SYTL5: variants seen among roughly 807,000 people sequenced by gnomAD.
SYTL5 encodes synaptotagmin-like protein 5.
Under a neutral mutation model 55.9 loss-of-function variants are expected in SYTL5, and 34 were observed. The ratio of observed to expected loss-of-function variants is 0.61; its 90% CI spans 0.46 to 0.81. SYTL5 has a LOEUF of 0.81. Among genes scored for constraint, SYTL5 ranks in the 30% least tolerant of loss-of-function variants. The pLI, the probability that SYTL5 is intolerant of heterozygous loss-of-function variation, is 0.00. For synonymous variants in SYTL5, 221 were observed against 188.7 expected (o/e 1.17, Z -1.40); for missense variants, 637 against 546.7 (o/e 1.17, Z -1.65).
At chrX:38,019,127 T>A (rs1296791850) in intron 1 of SYTL5, among the ~76,000 whole-genome samples, 1 of 112,691 alleles carries the variant, frequency 8.9e-6, no homozygotes, top group Non-Finnish European at 1.9e-5. Flanking sequence ...GAAATCTAAC[T>A]TATAGAACAG....
chrX:37,892,710 A>G, the SYTL5 span, among the ~76,000 whole-genome samples: 3 of 77,804 alleles, frequency 3.9e-5, no homozygotes, highest in South Asian at 9.0e-4. Flanking sequence ...ATATTAGTAT[A>G]TATGTATATA....
intron 1 of SYTL5, among the ~76,000 whole-genome samples, chrX:38,030,568 T>C (rs5917522): frequency 0.42 from 47,089 of 111,203 alleles, 9,754 homozygotes; most frequent in African/African-American, 0.81. Context: ...CCAAAGGTAA[T>C]CTCCCAGGTG....
chrX:38,039,782 C>T (rs1192408183), intron 2 of SYTL5, among the ~76,000 whole-genome samples: 1 of 112,231 alleles, frequency 8.9e-6, no homozygotes, highest in Non-Finnish European at 1.9e-5. Flanking sequence ...TACAACATAA[C>T]ATTTCTCCTT....
intron 1 of SYTL5, among the ~76,000 whole-genome samples, chrX:38,025,127 C>A (rs2147160023): frequency 8.9e-6 from 1 of 112,204 alleles, no homozygotes; most frequent in East Asian, 2.8e-4. Context: ...AAGGCATCCT[C>A]AAGGGTATTT....
intron 1 of SYTL5, among the ~76,000 whole-genome samples, chrX:38,023,517 A>C (rs1295052166): frequency 8.9e-6 from 1 of 111,971 alleles, no homozygotes; most frequent in East Asian, 2.8e-4. Flanking sequence ...ATGCATTTAC[A>C]TTTATTATGT....
At chrX:38,011,049 T>A (rs781108605) in intron 1 of SYTL5, among the ~76,000 whole-genome samples, 1 of 111,986 alleles carries the variant, frequency 8.9e-6, no homozygotes, top group African/African-American at 3.2e-5. Context: ...TCTCAAGCAC[T>A]GAGTGCTATC....
chrX:38,101,759 G>A (rs1269865524), intron 9 of SYTL5, among the ~76,000 whole-genome samples: 2 of 104,604 alleles, frequency 1.9e-5, no homozygotes, highest in African/African-American at 7.0e-5. Context: ...TAAGTTTTTA[G>A]TTTCCATTTA....
intron 6 of SYTL5, 53 bp downstream of exon 6, chrX:38,076,754 A>G: frequency 8.9e-7 from 1 of 1,124,222 alleles, no homozygotes; most frequent in Non-Finnish European, 1.2e-6. Flanking sequence ...AGGTTGATAT[A>G]TTCCCATTCA....
the SYTL5 span, among the ~76,000 whole-genome samples, chrX:37,995,360 T>C: frequency 1.8e-5 from 2 of 111,858 alleles, no homozygotes; most frequent in Non-Finnish European, 3.8e-5. Context: ...GGGATTTACA[T>C]GGAGATTGTG....
At chrX:37,976,165 G>T in the SYTL5 span, among the ~76,000 whole-genome samples, 1 of 112,527 alleles carries the variant, frequency 8.9e-6, no homozygotes, top group Non-Finnish European at 1.9e-5. Flanking sequence ...ATCTTTAAGG[G>T]TGTCATCTAA....
At chrX:37,981,643 G>C in the SYTL5 span, among the ~76,000 whole-genome samples, 1 of 111,633 alleles carries the variant, frequency 9.0e-6, no homozygotes, top group African/African-American at 3.3e-5. Flanking sequence ...CCTGTCAAGA[G>C]AGCCCAGACT....
At chrX:37,938,219 C>A in the SYTL5 span, among the ~76,000 whole-genome samples, 1 of 111,848 alleles carries the variant, frequency 8.9e-6, no homozygotes, top group Non-Finnish European at 1.9e-5. Context: ...CTATGGATGT[C>A]CTTTATTGTC....
At chrX:37,939,074 A>G in the SYTL5 span, among the ~76,000 whole-genome samples, 1 of 110,272 alleles carries the variant, frequency 9.1e-6, no homozygotes, top group East Asian at 2.8e-4. Context: ...ACTGACCAAC[A>G]TGGAGAAACC....
Position 38,034,025 on chromosome X carries a change from T to G in SYTL5, c.119+17T>G, listed in dbSNP as rs963364865. On this transcript the variant is annotated intron_variant, in intron 2 of 16. Coordinates refer to ENST00000297875, the MANE Select transcript of SYTL5 (RefSeq NM_138780.3). Reference sequence around the variant, plus strand: ...GAGAATAAGGTAGTATTCTTTTTATTTTTTCAGTCCTCCTTGACTGCTTTC... The same window carrying G: ...GAGAATAAGGTAGTATTCTTTTTATGTTTTCAGTCCTCCTTGACTGCTTTC... 2.0e-6 allele frequency: 2 copies of G among 1,001,778 alleles called. No homozygotes were observed. The highest frequency in any genetic ancestry group is 3.8e-5 in the African/African-American group (2 of 52,801). The allele number at this position is 1,001,778 out of a possible 1,213,427, so 82.6% of individuals were successfully genotyped here.
At chrX:37,962,868 C>T in the SYTL5 span, among the ~76,000 whole-genome samples, 1 of 112,046 alleles carries the variant, frequency 8.9e-6, no homozygotes, top group Non-Finnish European at 1.9e-5. Context: ...TAATGACCTT[C>T]TCTAGTCCTA....
At chrX:37,916,875 G>A in the SYTL5 span, among the ~76,000 whole-genome samples, 3 of 111,005 alleles carry the variant, frequency 2.7e-5, no homozygotes, top group African/African-American at 3.3e-5. Flanking sequence ...TCAGATTTTC[G>A]GAATTTTTAC....
At chrX:38,058,032 A>G (rs1935840048) in intron 3 of SYTL5, among the ~76,000 whole-genome samples, 1 of 111,489 alleles carries the variant, frequency 9.0e-6, no homozygotes, top group Admixed American at 9.5e-5. Context: ...CCTAACACCA[A>G]AATCATGAAA....
the SYTL5 span, among the ~76,000 whole-genome samples, chrX:37,927,459 G>A: frequency 9.0e-6 from 1 of 111,251 alleles, no homozygotes; most frequent in Non-Finnish European, 1.9e-5. Context: ...GGTGTGTGGA[G>A]GAGATGGTGG....
chrX:37,892,617 C>CATGT, the SYTL5 span, among the ~76,000 whole-genome samples: 1 of 86,530 alleles, frequency 1.2e-5, no homozygotes, highest in African/African-American at 4.4e-5. Flanking sequence ...ATTGTATATA[C>CATGT]ATATATACAT....
Sources: gnomAD v4.1 joint callset for allele counts (sites outside exome capture counted in the v4.1 genomes callset) on GRCh38, gnomAD v4.1.1 for gene constraint, MANE v1.5 for transcripts, NCBI Gene and HGNC (gene_info 2026-07-23, HGNC 2026-07-21) for gene names.